The following DOCK8 variants were observed in gnomAD, a reference collection of about 807,000 sequenced individuals.
The protein encoded by DOCK8 is dedicator of cytokinesis 8, also known as dedicator of cytokinesis protein 8.
DOCK8 carries 141 observed loss-of-function variants against 245.6 expected under a neutral mutation model. The observed-to-expected ratio is 0.57, with a 90% confidence interval of 0.50 to 0.66. The LOEUF (loss-of-function observed/expected upper bound fraction) is 0.66, where lower values mean the gene tolerates loss of function less well. Among genes scored for constraint, DOCK8 ranks in the 30% least tolerant of loss-of-function variants. The pLI is 0.00. For synonymous variants in DOCK8, 1,168 were observed against 970.2 expected, an observed-to-expected ratio of 1.20 and a Z score of -3.79; for missense variants, 2,965 against 2,603.4, an observed-to-expected ratio of 1.14 and a Z score of -3.02.
Position 464,539 on chromosome 9 carries a change from C to A in DOCK8, c.*320C>A. 1 of 436,620 alleles carries A rather than the reference C, an allele frequency of 2.3e-6. No individual in the cohort carries two copies. The highest frequency in any genetic ancestry group is 4.2e-6 in the Non-Finnish European group (1 of 236,910). 27.0% of individuals were successfully genotyped at this position (436,620 alleles called of 1,614,324 possible). A position where few individuals can be genotyped will look rare whatever the true frequency, so the allele number is the denominator to read the frequency against. ...TGCTGACTGGCCAATCACTGCCCAT[C>A]TGAGAGATGATTTCCTCTGGCCCAT... is the stretch of plus-strand genomic sequence containing the variant. On this transcript the variant is annotated 3_prime_UTR_variant, in exon 48 of 48. Coordinates refer to ENST00000432829, the MANE Select transcript of DOCK8 (RefSeq NM_203447.4).
intron 1 of DOCK8, among the ~76,000 whole-genome samples, chr9:261,763 T>G (rs1344182428): frequency 1.3e-5 from 2 of 152,204 alleles, no homozygotes; most frequent in Non-Finnish European, 2.9e-5. Context: ...TTATATATTT[T>G]GAGCCTATAT....
intron 2 of DOCK8, among the ~76,000 whole-genome samples, chr9:274,618 C>T (rs1269362710): frequency 2.0e-5 from 3 of 151,678 alleles, no homozygotes; most frequent in South Asian, 2.1e-4. Flanking sequence ...AATGAAGGTT[C>T]CCCAAAAGAA....
Position 327,580 on chromosome 9 carries a change from A to G in DOCK8, c.895-442A>G, listed in dbSNP as rs75260372. The stretch of plus-strand genomic sequence containing the variant: ...GCTGGCTAGTTTTTGTATTTTTTGT[A>G]GAGGCAGGGTTTCACCATGTTGCCC... On this transcript the variant is annotated intron_variant, in intron 8 of 47. Transcript: ENST00000432829. Among the ~76,000 whole-genome samples, 1,178 of 151,934 alleles carry G rather than the reference A, an allele frequency of 7.8e-3. 18 individuals are homozygous for G. Among genetic ancestry groups the G allele is most frequent in the African/African-American group, 0.027 (1,116 of 41,414 alleles).
At chr9:352,791 TAAG>T (rs1415334852) in intron 14 of DOCK8, among the ~76,000 whole-genome samples, 1 of 151,174 alleles carries the variant, frequency 6.6e-6, no homozygotes, top group Admixed American at 6.6e-5. Context: ...ATGAAGTCTG[TAAG>T]AAGGACTGTT....
chr9:290,035 C>G (rs2048974670), intron 4 of DOCK8, among the ~76,000 whole-genome samples: 1 of 152,170 alleles, frequency 6.6e-6, no homozygotes, highest in Admixed American at 6.5e-5. Context: ...CCTTGTTCTT[C>G]AATGTCTTTT....
intron 14 of DOCK8, among the ~76,000 whole-genome samples, chr9:342,466 TTTCG>T (rs1307364365): frequency 4.4e-5 from 1 of 22,488 alleles, no homozygotes; most frequent in African/African-American, 1.0e-4. Flanking sequence ...TTGGGGTTTT[TTTCG>T]TTTTTTTGTT....
chr9:432,054 G>A (rs541129609), intron 36 of DOCK8, 112 bp from the exon 37 acceptor site: 8 of 1,074,588 alleles, frequency 7.4e-6, no homozygotes, highest in South Asian at 4.1e-5. Context: ...TAATTAAGAC[G>A]GGGCAAAGGA....
intron 14 of DOCK8, among the ~76,000 whole-genome samples, chr9:341,401 C>T (rs1470995609): frequency 2.6e-5 from 4 of 152,170 alleles, no homozygotes; most frequent in African/African-American, 9.7e-5. Flanking sequence ...AGACTATTTC[C>T]TTTAATGCAG....
At chr9:355,221 T>TGAGACAGAGTC (rs1421703165) in intron 14 of DOCK8, among the ~76,000 whole-genome samples, 3 of 94,100 alleles carry the variant, frequency 3.2e-5, no homozygotes, top group Admixed American at 1.4e-4. Context: ...TTTTTTTTTT[T>TGAGACAGAGTC]TGAGACAGAG....
chr9:316,923 A>G, intron 6 of DOCK8, 120 bp from the exon 7 acceptor site: 1 of 811,312 alleles, frequency 1.2e-6, no homozygotes, highest in East Asian at 2.6e-5. Context: ...AGTGTTAGAA[A>G]AAAAGCAAAT....
At chr9:414,228 C>T (rs2131598331) in intron 28 of DOCK8, among the ~76,000 whole-genome samples, 1 of 151,966 alleles carries the variant, frequency 6.6e-6, no homozygotes, top group African/African-American at 2.4e-5. Flanking sequence ...AACTTGTATA[C>T]ACATACTCAT....
intron 7 of DOCK8, among the ~76,000 whole-genome samples, chr9:324,523 GC>G (rs1293763112): frequency 6.6e-6 from 1 of 152,068 alleles, no homozygotes; most frequent in African/African-American, 2.4e-5. Flanking sequence ...CCAGGATTAT[GC>G]TTTGGGATTC....
At chr9:342,929 GTTTC>G (rs1180961238) in intron 14 of DOCK8, among the ~76,000 whole-genome samples, 2 of 152,258 alleles carry the variant, frequency 1.3e-5, no homozygotes, top group East Asian at 3.9e-4. Context: ...GTTTGTGAAA[GTTTC>G]TTTAATATAT....
intron 14 of DOCK8, among the ~76,000 whole-genome samples, chr9:350,204 C>T (rs551581989): frequency 3.1e-4 from 47 of 152,176 alleles, no homozygotes; most frequent in Non-Finnish European, 5.4e-4. Context: ...CCTCAAACTG[C>T]TGGGCTTAAG....
chr9:211,864 A>C (rs1374068044), upstream of DOCK8, among the ~76,000 whole-genome samples: 1 of 152,182 alleles, frequency 6.6e-6, no homozygotes, highest in Non-Finnish European at 1.5e-5. Flanking sequence ...TTAAACCTGG[A>C]AAATGAGGAA....
chr9:278,402 T>C (rs1021281939), intron 2 of DOCK8, among the ~76,000 whole-genome samples: 36 of 152,226 alleles, frequency 2.4e-4, no homozygotes, highest in Admixed American at 6.5e-4. Flanking sequence ...TAGAAATATG[T>C]ATTGGGTCTC....
chr9:332,582 C>G (rs1050639822), intron 10 of DOCK8, 104 bp downstream of exon 10: 8 of 722,278 alleles, frequency 1.1e-5, no homozygotes, highest in Non-Finnish European at 1.7e-5. Context: ...TAATGTGTCC[C>G]TATATAAGAC....
intron 46 of DOCK8, among the ~76,000 whole-genome samples, chr9:463,039 C>G (rs2057855139): frequency 6.6e-6 from 1 of 152,182 alleles, no homozygotes; most frequent in East Asian, 1.9e-4. Context: ...CATAGCAAGT[C>G]AGAGGTTCTC....
chr9:455,446 G>T (rs1312788316), intron 46 of DOCK8, among the ~76,000 whole-genome samples: 1 of 152,144 alleles, frequency 6.6e-6, no homozygotes. Context: ...GGAGGTCAAG[G>T]CTGCAATGAG....
Sources: gnomAD v4.1 joint callset for allele counts (sites outside exome capture counted in the v4.1 genomes callset) on GRCh38, gnomAD v4.1.1 for gene constraint, MANE v1.5 for transcripts, NCBI Gene and HGNC (gene_info 2026-07-23, HGNC 2026-07-21) for gene names.